SREK1: variants seen among roughly 807,000 people sequenced by gnomAD.
SREK1 encodes the protein splicing regulatory glutamine/lysine-rich protein 1.
In SREK1, 13 loss-of-function variants were observed where a neutral mutation model predicts 66.5. The observed-to-expected ratio is 0.20, with a 90% confidence interval of 0.13 to 0.31. SREK1 has a LOEUF of 0.31. Ranked by LOEUF, SREK1 falls within the 10% of genes least tolerant of loss-of-function variation. The pLI, the probability that SREK1 is intolerant of heterozygous loss-of-function variation, is 1.00. For synonymous variants in SREK1, 265 were observed against 263.5 expected, an observed-to-expected ratio of 1.01 and a Z score of -0.05; for missense variants, 607 against 769.6, an observed-to-expected ratio of 0.79 and a Z score of 2.50.
intron 5 of SREK1, chr5:66,163,108 A>G (rs1744899125): frequency 6.6e-6 from 1 of 152,196 alleles, no homozygotes; most frequent in African/African-American, 2.4e-5. Flanking sequence ...CAGAAATTCT[A>G]TTTCATGCAG....
At position 66,181,689 on chromosome 5, in the gene SREK1, C is replaced by T. The variant is rs1490788171; in HGVS notation, c.*2821C>T. The T allele has an allele frequency of 6.6e-6, 1 of 152,004 alleles. No homozygotes were observed. The highest frequency in any genetic ancestry group is 1.5e-5 in the Non-Finnish European group (1 of 68,014). The allele number at this position is 152,004 out of a possible 1,614,324, so 9.4% of individuals were successfully genotyped here. On this transcript the variant is annotated 3_prime_UTR_variant, in exon 12 of 12. Coordinates refer to ENST00000334121, the MANE Select transcript of SREK1 (RefSeq NM_001077199.3). The stretch of plus-strand genomic sequence containing the variant: ...AGTTTTGTGTCAAAACTTTTAAATC[C>T]TGAAGTTCTGCAGTTATCATCTTAG...
intron 2 of SREK1, chr5:66,156,364 A>G (rs1421807238): frequency 8.2e-7 from 1 of 1,224,634 alleles, no homozygotes; most frequent in Non-Finnish European, 1.0e-6. Context: ...AAGGGTTCAT[A>G]ACGTGTTGCA....
intron 11 of SREK1, among the ~76,000 whole-genome samples, chr5:66,178,048 A>G (rs547480814): frequency 2.6e-5 from 4 of 152,202 alleles, no homozygotes; most frequent in Admixed American, 1.3e-4. Context: ...ATGGAAAACC[A>G]CATTCCACCA....
chr5:66,177,753 G>A, intron 11 of SREK1, 95 bp downstream of exon 11: 1 of 978,900 alleles, frequency 1.0e-6, no homozygotes, highest in East Asian at 2.9e-5. Flanking sequence ...ACAGTGTCTT[G>A]TACATTGTTG....
Position 66,183,181 on chromosome 5 carries a change from G to A in SREK1, c.*4313G>A, listed in dbSNP as rs553536252. The A allele has an allele frequency of 1.3e-5, 2 of 152,192 alleles. No individual in the cohort carries two copies. The highest frequency in any genetic ancestry group is 4.1e-4 in the South Asian group (2 of 4,822). 9.4% of individuals were successfully genotyped at this position (152,192 alleles called of 1,614,324 possible). A position where few individuals can be genotyped will look rare whatever the true frequency, so the allele number is the denominator to read the frequency against. On this transcript the variant is annotated 3_prime_UTR_variant, in exon 12 of 12. Transcript: ENST00000334121. ...TTTCCAGGATTGGTATGGAGGAGTA[G>A]TACCTTCTATTCTTGGTTTATTTTT...
chr5:66,173,123 A>G (rs912612957), intron 9 of SREK1, among the ~76,000 whole-genome samples: 1 of 151,968 alleles, frequency 6.6e-6, no homozygotes, highest in African/African-American at 2.4e-5. Context: ...GTGAGCCGCC[A>G]CCGCCCCCAG....
intron 7 of SREK1, chr5:66,166,707 G>C (rs1479180109): frequency 2.0e-5 from 3 of 152,080 alleles, no homozygotes; most frequent in Admixed American, 2.0e-4. Flanking sequence ...GAGCTCAAGC[G>C]ATCCTCCCAC....
chr5:66,171,099 C>G, intron 9 of SREK1, 152 bp downstream of exon 9: 2 of 961,766 alleles, frequency 2.1e-6, no homozygotes, highest in Non-Finnish European at 1.5e-6. Flanking sequence ...AAACATTTCT[C>G]TAGCAGAGTG....
At chr5:66,171,357 T>G (rs1233258456) in intron 9 of SREK1, among the ~76,000 whole-genome samples, 1 of 152,314 alleles carries the variant, frequency 6.6e-6, no homozygotes, top group South Asian at 2.1e-4. Flanking sequence ...CTTTGTCACC[T>G]AAGTTAATTT....
chr5:66,169,063 A>C (rs958137233), intron 7 of SREK1: 1 of 152,212 alleles, frequency 6.6e-6, no homozygotes, highest in Non-Finnish European at 1.5e-5. Context: ...CCAGATTGTC[A>C]GACTCCAAAG....
chr5:66,175,152 A>G (rs924977758), intron 10 of SREK1, 111 bp downstream of exon 10: 28 of 815,578 alleles, frequency 3.4e-5, no homozygotes, highest in Admixed American at 5.9e-5. Context: ...TGAATAATAC[A>G]TATGCATTAT....
chr5:66,154,763 G>T (rs963717415), intron 2 of SREK1, among the ~76,000 whole-genome samples: 1 of 152,102 alleles, frequency 6.6e-6, no homozygotes, highest in African/African-American at 2.4e-5. Context: ...GGGGGTTAGA[G>T]TGGGTAGGGA....
intron 2 of SREK1, among the ~76,000 whole-genome samples, chr5:66,155,772 A>G: frequency 6.6e-6 from 1 of 152,356 alleles, no homozygotes; most frequent in East Asian, 1.9e-4. Context: ...GTAACATTTG[A>G]TGTGTAACAG....
At chr5:66,149,988 C>T (rs925416185) in intron 1 of SREK1, among the ~76,000 whole-genome samples, 5 of 152,244 alleles carry the variant, frequency 3.3e-5, no homozygotes, top group African/African-American at 4.8e-5. Context: ...CAGTTTGTTT[C>T]TATCTACTCC....
Position 66,170,148 on chromosome 5 carries a change from T to G in SREK1, c.1099T>G (p.Ser367Ala). 1 of 1,611,836 alleles carries G rather than the reference T, an allele frequency of 6.2e-7. No homozygotes were observed. The highest frequency in any genetic ancestry group is 8.5e-7 in the Non-Finnish European group (1 of 1,179,154). The change falls in exon 8 of 12, where the codon TCA (serine) becomes GCA (alanine). Residue 367 changes from serine (S) to alanine (A), a missense_variant. Coordinates refer to ENST00000334121, the MANE Select transcript of SREK1 (RefSeq NM_001077199.3). ...CTCTAAATCAAGGGAGAGACGGAAG[T>G]CAAGGAGTCGTTCGCATTCACGGTG... ...KRSKSRERRK[S>A]RSRSHSRDKR...
rs142202470 is a variant in SREK1, at chr5:66,163,548, A to G, written c.756-244A>G. The G allele has an allele frequency of 2.8e-4, 94 of 332,300 alleles. 1 individual carries two copies. The highest frequency in any genetic ancestry group is 1.9e-3 in the African/African-American group (88 of 46,686). 20.6% of individuals were successfully genotyped at this position (332,300 alleles called of 1,614,324 possible). On this transcript the variant is annotated intron_variant, in intron 5 of 11. Coordinates refer to ENST00000334121, the MANE Select transcript of SREK1 (RefSeq NM_001077199.3). ...AAAGCACTTCATCTAGTCTGTTTGA[A>G]TTAAGTTAGCTAGGGTTCAATTTTT...
intron 9 of SREK1, 145 bp from the exon 10 acceptor site, chr5:66,174,801 C>T (rs1745919611): frequency 1.7e-6 from 1 of 598,540 alleles, no homozygotes; most frequent in Non-Finnish European, 2.8e-6. Context: ...GGTAATTGAA[C>T]ATGCTCATAA....
At chr5:66,160,789 G>A (rs1282495917) in intron 3 of SREK1, among the ~76,000 whole-genome samples, 1 of 152,154 alleles carries the variant, frequency 6.6e-6, no homozygotes, top group Admixed American at 6.5e-5. Flanking sequence ...TATCATATTT[G>A]TATATATAGT....
chr5:66,166,160 T>C lies in SREK1; in HGVS notation c.1001+1263T>C, dbSNP rs150430131. ...GACAGTGGAACAGAAGCTGCAGTGA[T>C]ACTAGACTGTGGATATTTCCATATG... is the stretch of plus-strand genomic sequence containing the variant. On this transcript the variant is annotated intron_variant, in intron 7 of 11. Transcript: ENST00000334121. 327 of 152,356 alleles carry C rather than the reference T, an allele frequency of 2.1e-3. 1 individual carries two copies. Among genetic ancestry groups the C allele is most frequent in the African/African-American group, 7.6e-3 (317 of 41,570 alleles). The allele number at this position is 152,356 out of a possible 1,614,324, so 9.4% of individuals were successfully genotyped here.
Sources: allele counts gnomAD v4.1 joint callset (sites outside exome capture counted in the v4.1 genomes callset), GRCh38; gene constraint gnomAD v4.1.1; transcripts MANE v1.5; gene names NCBI Gene and HGNC (gene_info 2026-07-23, HGNC 2026-07-21).